The following DLG2 variants were observed in gnomAD, a reference collection of about 807,000 sequenced individuals.
DLG2 encodes disks large homolog 2.
Under a neutral mutation model 132.5 loss-of-function variants are expected in DLG2, and 45 were observed. That is an observed-to-expected ratio of 0.34 (90% CI 0.27 to 0.44). DLG2 has a LOEUF of 0.44. Among genes scored for constraint, DLG2 ranks in the 20% least tolerant of loss-of-function variants. The pLI is 1.00. For missense variants in DLG2, 1,045 were observed against 1,196.9 expected (o/e 0.87, Z 1.87); for synonymous variants, 424 against 419.6 (o/e 1.01, Z -0.13).
At chr11:84,266,861 T>G (rs1003036521) in intron 7 of DLG2, among the ~76,000 whole-genome samples, 3 of 152,220 alleles carry the variant, frequency 2.0e-5, no homozygotes, top group African/African-American at 4.8e-5. Context: ...GTATTCACCA[T>G]TCCATCTATG....
intron 4 of DLG2, among the ~76,000 whole-genome samples, chr11:85,166,613 C>T (rs975444971): frequency 1.3e-5 from 2 of 151,922 alleles, no homozygotes; most frequent in African/African-American, 4.8e-5. Flanking sequence ...ATGATTAGTC[C>T]ACCTGATCTC....
At chr11:84,389,406 T>C (rs1322542404) in intron 7 of DLG2, among the ~76,000 whole-genome samples, 1 of 152,102 alleles carries the variant, frequency 6.6e-6, no homozygotes, top group Non-Finnish European at 1.5e-5. Flanking sequence ...AAATGCTGAA[T>C]TCAGATATTT....
chr11:84,523,831 A>T (rs1024767357), intron 7 of DLG2, among the ~76,000 whole-genome samples: 1 of 152,220 alleles, frequency 6.6e-6, no homozygotes, highest in African/African-American at 2.4e-5. Context: ...ACACTTATCT[A>T]GAATTTTCTA....
In DLG2 at chr11:83,906,255, TCTCACACACACACACACACA is replaced by T. The variant is rs1167195721; in HGVS notation, c.1496+24053_1496+24072del. ...ATGTCTCTCTCTCTCTCTCTCTCTC[TCTCACACACACACACACACA>T]CACACACACACACACACACACACAC... On this transcript the variant is annotated intron_variant, in intron 15 of 27. Transcript: ENST00000376104. 3.5e-3 allele frequency among the ~76,000 whole-genome samples: 338 copies of T among 96,950 alleles called. 8 individuals are homozygous for T. The highest frequency in any genetic ancestry group is 0.019 in the Middle Eastern group (3 of 160). 63.6% of individuals were successfully genotyped at this position (96,950 alleles called of 152,430 possible). A position where few individuals can be genotyped will look rare whatever the true frequency, so the allele number is the denominator to read the frequency against.
intron 11 of DLG2, among the ~76,000 whole-genome samples, chr11:83,997,007 G>A (rs1034422307): frequency 3.6e-4 from 54 of 151,962 alleles, no homozygotes; most frequent in African/African-American, 1.3e-3. Context: ...ATGCTTGAGA[G>A]GATGGATATC....
At chr11:83,730,399 G>A (rs1013580127) in intron 18 of DLG2, among the ~76,000 whole-genome samples, 5 of 152,056 alleles carry the variant, frequency 3.3e-5, no homozygotes, top group Non-Finnish European at 7.4e-5. Flanking sequence ...GTATATGATT[G>A]TGGGAGACCG....
At chr11:83,927,293 T>C (rs2079155792) in intron 15 of DLG2, among the ~76,000 whole-genome samples, 6 of 152,166 alleles carry the variant, frequency 3.9e-5, no homozygotes, top group Admixed American at 3.9e-4. Flanking sequence ...TAGCAGGTGA[T>C]ACAGTCATGA....
Position 83,476,611 on chromosome 11 carries a change from T to C in DLG2, c.2294-3834A>G, listed in dbSNP as rs564447475. On this transcript the variant is annotated intron_variant, in intron 22 of 27. Coordinates refer to ENST00000376104, the MANE Select transcript of DLG2 (RefSeq NM_001142699.3). ...ATCAGACTTGGTGCATAATGTTATA[T>C]AAATGTTGTTGTTTGTATTAACTTT... Among the ~76,000 whole-genome samples, 7 of 152,242 alleles carry C rather than the reference T, an allele frequency of 4.6e-5. No individual in the cohort carries two copies. The South Asian group carries it at 8.3e-4, about 18-fold the overall frequency.
At chr11:84,010,973 A>G (rs1420745798) in intron 11 of DLG2, among the ~76,000 whole-genome samples, 1 of 152,150 alleles carries the variant, frequency 6.6e-6, no homozygotes, top group Middle Eastern at 3.2e-3. Context: ...ATTTCGAATT[A>G]GTTCTAATCA....
chr11:83,641,912 TGAGAGA>T (rs149292458), intron 18 of DLG2, among the ~76,000 whole-genome samples: 9 of 149,762 alleles, frequency 6.0e-5, no homozygotes, highest in African/African-American at 1.7e-4. Flanking sequence ...TGTGTGTGTG[TGAGAGA>T]GAGAGAGAGA....
chr11:85,627,996 C>A (rs1003461812), upstream of DLG2: 5 of 152,704 alleles, frequency 3.3e-5, no homozygotes, highest in Non-Finnish European at 5.8e-5. Flanking sequence ...TGGGTCTTCT[C>A]GCGGGGGTAG....
At chr11:85,013,446 A>G (rs1312025148) in intron 6 of DLG2, among the ~76,000 whole-genome samples, 2 of 152,166 alleles carry the variant, frequency 1.3e-5, no homozygotes, top group African/African-American at 4.8e-5. Context: ...AAAGATAAAT[A>G]ACGATTTTGT....
intron 6 of DLG2, among the ~76,000 whole-genome samples, chr11:84,579,256 G>A (rs2099510864): frequency 6.7e-6 from 1 of 150,112 alleles, no homozygotes; most frequent in South Asian, 2.1e-4. Flanking sequence ...CTAACCTTTG[G>A]TAGTACAAAA....
At chr11:85,068,081 GC>G (rs1220514735) in intron 6 of DLG2, among the ~76,000 whole-genome samples, 8 of 151,954 alleles carry the variant, frequency 5.3e-5, no homozygotes, top group Non-Finnish European at 8.8e-5. Context: ...TGCAGAAAAG[GC>G]CTTTGACAAA....
At chr11:85,462,339 G>C (rs1239813600) in intron 3 of DLG2, among the ~76,000 whole-genome samples, 3 of 152,194 alleles carry the variant, frequency 2.0e-5, no homozygotes, top group Non-Finnish European at 4.4e-5. Context: ...CTGCTATGAA[G>C]ACACATGCAC....
At chr11:83,517,831 C>T (rs1471487542) in intron 21 of DLG2, among the ~76,000 whole-genome samples, 2 of 152,216 alleles carry the variant, frequency 1.3e-5, no homozygotes, top group Non-Finnish European at 2.9e-5. Flanking sequence ...GGCTGCAGAA[C>T]AGCGGATATT....
chr11:83,603,024 G>GTGTGTGTGTATGTGTGTGCA (rs970540378), intron 19 of DLG2, among the ~76,000 whole-genome samples: 1 of 151,888 alleles, frequency 6.6e-6, no homozygotes, highest in African/African-American at 2.4e-5. Context: ...GTGACTGTGT[G>GTGTGTGTGTATGTGTGTGCA]TGTGTGTGTA....
chr11:84,611,024 TACACACACAC>T (rs10587472), intron 6 of DLG2, among the ~76,000 whole-genome samples: 179 of 138,200 alleles, frequency 1.3e-3, no homozygotes, highest in Non-Finnish European at 2.1e-3. Flanking sequence ...TTAGATGACA[TACACACACAC>T]ACACACACAC....
chr11:84,062,095 C>A (rs539750655), intron 10 of DLG2, among the ~76,000 whole-genome samples: 16 of 152,230 alleles, frequency 1.1e-4, no homozygotes, highest in Admixed American at 9.8e-4. Context: ...CTATATATAT[C>A]TATTCAAACT....
Sources: gnomAD v4.1 joint callset for allele counts (sites outside exome capture counted in the v4.1 genomes callset) on GRCh38, gnomAD v4.1.1 for gene constraint, MANE v1.5 for transcripts, NCBI Gene and HGNC (gene_info 2026-07-23, HGNC 2026-07-21) for gene names.